DCC: variants seen among roughly 807,000 people sequenced by gnomAD.
The protein encoded by DCC is netrin receptor DCC.
Under a neutral mutation model 172.5 loss-of-function variants are expected in DCC, and 58 were observed. The observed-to-expected ratio is 0.34, with a 90% confidence interval of 0.27 to 0.42. DCC has a LOEUF of 0.42. Ranked by LOEUF, DCC falls within the 10% of genes least tolerant of loss-of-function variation. The pLI is 1.00. For synonymous variants in DCC, 709 were observed against 644.5 expected (o/e 1.10, Z -1.52); for missense variants, 1,740 against 1,791.0 (o/e 0.97, Z 0.51).
intron 2 of DCC, among the ~76,000 whole-genome samples, chr18:52,860,346 A>G (rs1025143045): frequency 6.6e-6 from 1 of 152,230 alleles, no homozygotes; most frequent in African/African-American, 2.4e-5. Context: ...TTCAGTGTGC[A>G]GAGCTTCAAG....
At chr18:53,429,493 A>G (rs1406587331) in intron 21 of DCC, among the ~76,000 whole-genome samples, 1 of 151,998 alleles carries the variant, frequency 6.6e-6, no homozygotes, top group Admixed American at 6.6e-5. Flanking sequence ...TTTGATTTCT[A>G]AGGATTTTTA....
chr18:52,680,535 CAG>C (rs2035729966), intron 1 of DCC, among the ~76,000 whole-genome samples: 1 of 152,112 alleles, frequency 6.6e-6, no homozygotes, highest in Admixed American at 6.6e-5. Flanking sequence ...ATATATTAAA[CAG>C]TGTTATTTAA....
In DCC at chr18:52,450,089, G is replaced by A. The variant is rs17754840; in HGVS notation, c.91+109211G>A. ...CTATTATGGAAGACAGAATAATTTC[G>A]GAAATAAGCCTGTCTCAAACCGAGA... On this transcript the variant is annotated intron_variant, in intron 1 of 28. Coordinates refer to ENST00000442544, the MANE Select transcript of DCC (RefSeq NM_005215.4). Among the ~76,000 whole-genome samples the A allele has an allele frequency of 1.0e-2, 1,520 of 152,164 alleles. 56 individuals are homozygous for A. The highest frequency in any genetic ancestry group is 0.065 in the Admixed American group (999 of 15,274).
intron 5 of DCC, among the ~76,000 whole-genome samples, chr18:53,014,793 A>C (rs2041784805): frequency 6.6e-6 from 1 of 152,128 alleles, no homozygotes; most frequent in Admixed American, 6.6e-5. Context: ...ATTGCTGCAT[A>C]AACATCTGAA....
intron 1 of DCC, among the ~76,000 whole-genome samples, chr18:52,729,449 G>T (rs2036601502): frequency 6.6e-6 from 1 of 152,000 alleles, no homozygotes; most frequent in African/African-American, 2.4e-5. Context: ...TGGTAGAGAT[G>T]GGGTTTCACC....
chr18:52,500,768 T>A (rs75225188), intron 1 of DCC, among the ~76,000 whole-genome samples: 2 of 152,208 alleles, frequency 1.3e-5, no homozygotes, highest in Admixed American at 6.5e-5. Flanking sequence ...GATTTTTTTT[T>A]AATCCAGCTG....
At chr18:52,384,592 C>T (rs777696576) in intron 1 of DCC, among the ~76,000 whole-genome samples, 11 of 152,088 alleles carry the variant, frequency 7.2e-5, no homozygotes, top group Non-Finnish European at 7.4e-5. Context: ...GGTGGCGTGG[C>T]GGGGTGAAGA....
intron 11 of DCC, among the ~76,000 whole-genome samples, chr18:53,208,656 A>G (rs1014865345): frequency 6.6e-6 from 1 of 152,204 alleles, no homozygotes; most frequent in African/African-American, 2.4e-5. Flanking sequence ...ACAAACACAC[A>G]CATTTGAGAC....
chr18:53,371,228 C>A (rs1476019560), intron 15 of DCC, among the ~76,000 whole-genome samples: 1 of 151,848 alleles, frequency 6.6e-6, no homozygotes, highest in Admixed American at 6.6e-5. Flanking sequence ...TGTCTATTTG[C>A]AGCTTATTTT....
At chr18:52,825,669 C>A (rs9948297) in intron 2 of DCC, among the ~76,000 whole-genome samples, 40,085 of 151,090 alleles carry the variant, frequency 0.27, 5,411 homozygotes, top group South Asian at 0.3. Context: ...AAAATATGAT[C>A]ATAATTGTTT....
At chr18:53,181,536 A>T (rs189769324) in intron 9 of DCC, among the ~76,000 whole-genome samples, 1 of 152,186 alleles carries the variant, frequency 6.6e-6, no homozygotes, top group African/African-American at 2.4e-5. Context: ...TGATAAAATG[A>T]TACAATATAT....
chr18:52,379,050 G>A (rs1376871413), intron 1 of DCC, among the ~76,000 whole-genome samples: 8 of 152,132 alleles, frequency 5.3e-5, no homozygotes, highest in Non-Finnish European at 2.9e-5. Flanking sequence ...ATTGCTTAAA[G>A]CATCTTGTGC....
intron 5 of DCC, among the ~76,000 whole-genome samples, chr18:53,047,316 A>G (rs891410057): frequency 3.5e-4 from 29 of 82,704 alleles, no homozygotes; most frequent in Middle Eastern, 0.012. Context: ...ATAATTTTAT[A>G]TATATATAAT....
intron 14 of DCC, among the ~76,000 whole-genome samples, chr18:53,329,695 A>G (rs1855698752): frequency 1.3e-5 from 2 of 152,158 alleles, no homozygotes; most frequent in African/African-American, 2.4e-5. Flanking sequence ...ATTTTAGACA[A>G]TTCTAATCAG....
intron 24 of DCC, among the ~76,000 whole-genome samples, chr18:53,465,220 C>T (rs1181174935): frequency 6.6e-6 from 1 of 151,054 alleles, no homozygotes; most frequent in African/African-American, 2.4e-5. Context: ...CTTACTACTT[C>T]CTGTTTAGAG....
intron 2 of DCC, among the ~76,000 whole-genome samples, chr18:52,790,207 G>A (rs973420725): frequency 6.6e-6 from 1 of 152,140 alleles, no homozygotes; most frequent in Non-Finnish European, 1.5e-5. Context: ...CTGTAGCCAA[G>A]TTTGTTATAG....
At chr18:52,810,905 C>A (rs2038184387) in intron 2 of DCC, among the ~76,000 whole-genome samples, 1 of 152,116 alleles carries the variant, frequency 6.6e-6, no homozygotes, top group Admixed American at 6.5e-5. Flanking sequence ...AGGTATTTGG[C>A]TGACTCCTGT....
chr18:52,920,132 G>GA (rs761361131), intron 3 of DCC, among the ~76,000 whole-genome samples: 9 of 151,690 alleles, frequency 5.9e-5, no homozygotes, highest in East Asian at 3.9e-4. Context: ...GATAATGTAG[G>GA]AAAAAATATA....
chr18:52,725,079 G>A (rs549823112), intron 1 of DCC, among the ~76,000 whole-genome samples: 1 of 152,256 alleles, frequency 6.6e-6, no homozygotes, highest in South Asian at 2.1e-4. Flanking sequence ...CTTCCCACTA[G>A]GCCACAAAAA....
Sources: allele counts gnomAD v4.1 joint callset (sites outside exome capture counted in the v4.1 genomes callset), GRCh38; gene constraint gnomAD v4.1.1; transcripts MANE v1.5; gene names NCBI Gene and HGNC (gene_info 2026-07-23, HGNC 2026-07-21).